IKZF2: variants seen among roughly 807,000 people sequenced by gnomAD.
The protein encoded by IKZF2 is zinc finger protein Helios.
In IKZF2, 15 loss-of-function variants were observed where a neutral mutation model predicts 49.2. The observed-to-expected ratio is 0.30, with a 90% CI of 0.20 to 0.47. The LOEUF is 0.47. Ranked by LOEUF, IKZF2 falls within the 20% of genes least tolerant of loss-of-function variation. The pLI, the probability that IKZF2 is intolerant of heterozygous loss-of-function variation, is 1.00. For missense variants in IKZF2, 567 were observed against 664.6 expected, an observed-to-expected ratio of 0.85 and a Z score of 1.61; for synonymous variants, 227 against 221.4, an observed-to-expected ratio of 1.03 and a Z score of -0.23.
intron 4 of IKZF2, among the ~76,000 whole-genome samples, chr2:213,124,770 A>G (rs1052378978): frequency 6.6e-6 from 1 of 152,226 alleles, no homozygotes; most frequent in Non-Finnish European, 1.5e-5. Context: ...TGTGTTTCCA[A>G]GGAATTCAAC....
At chr2:213,067,042 G>A (rs755288387) in intron 4 of IKZF2, among the ~76,000 whole-genome samples, 3 of 152,054 alleles carry the variant, frequency 2.0e-5, no homozygotes, top group African/African-American at 7.2e-5. Context: ...AAGGGCTCTA[G>A]GTCCAGCACC....
intron 6 of IKZF2, among the ~76,000 whole-genome samples, chr2:213,022,515 T>C (rs191765918): frequency 6.6e-6 from 1 of 152,294 alleles, no homozygotes; most frequent in African/African-American, 2.4e-5. Context: ...TTGTTTGTTT[T>C]CTTTTCGGGT....
intron 4 of IKZF2, among the ~76,000 whole-genome samples, chr2:213,104,258 G>C (rs1166779070): frequency 6.9e-6 from 1 of 143,962 alleles, no homozygotes; most frequent in Non-Finnish European, 1.5e-5. Flanking sequence ...TGCTTCTAAC[G>C]GACAAAAAAA....
At chr2:213,106,063 C>A (rs1275979780) in intron 4 of IKZF2, among the ~76,000 whole-genome samples, 2 of 152,016 alleles carry the variant, frequency 1.3e-5, no homozygotes, top group East Asian at 1.9e-4. Context: ...TAAGTGATTC[C>A]ATTTTTCACT....
chr2:213,129,493 G>A (rs1026712449), intron 4 of IKZF2, among the ~76,000 whole-genome samples: 1 of 151,696 alleles, frequency 6.6e-6, no homozygotes, highest in Non-Finnish European at 1.5e-5. Flanking sequence ...AAAGAAAAAG[G>A]GAAGAGGTAT....
intron 5 of IKZF2, 177 bp downstream of exon 5, chr2:213,056,656 G>A: frequency 2.6e-6 from 2 of 759,816 alleles, no homozygotes; most frequent in Non-Finnish European, 2.3e-6. Context: ...AGATTTGAAG[G>A]CTGGAAGTCA....
At chr2:213,129,982 G>GA (rs1294419476) in intron 4 of IKZF2, among the ~76,000 whole-genome samples, 6 of 152,184 alleles carry the variant, frequency 3.9e-5, no homozygotes, top group Admixed American at 3.9e-4. Flanking sequence ...AAAGAGAGAA[G>GA]AGGACCTGTA....
intron 4 of IKZF2, among the ~76,000 whole-genome samples, chr2:213,092,397 T>C (rs773795616): frequency 2.0e-5 from 3 of 152,166 alleles, no homozygotes; most frequent in Non-Finnish European, 2.9e-5. Context: ...GTTATGGTCA[T>C]ATTTAAATTT....
chr2:213,074,613 C>T (rs1271793309), intron 4 of IKZF2, among the ~76,000 whole-genome samples: 1 of 152,126 alleles, frequency 6.6e-6, no homozygotes, highest in Non-Finnish European at 1.5e-5. Flanking sequence ...ACTCTTAAAT[C>T]CAATCAATGG....
rs1263144575 is a variant in IKZF2, at chr2:213,004,801, G to A, written c.*2559C>T. On this transcript the variant is annotated 3_prime_UTR_variant, in exon 9 of 9. Coordinates refer to ENST00000434687, the MANE Select transcript of IKZF2 (RefSeq NM_001387220.1). ...ATATCCACCTCTTTCTGTTCCTCAT[G>A]AAGCTAGGAAGATACAAGTATATGC... 1.3e-5 allele frequency: 2 copies of A among 152,274 alleles called. No individual in the cohort carries two copies. Among genetic ancestry groups the A allele is most frequent in the Admixed American group, 1.3e-4 (2 of 15,198 alleles). 9.4% of individuals were successfully genotyped at this position (152,274 alleles called of 1,614,324 possible).
At chr2:213,047,072 C>A (rs1337182981) in intron 6 of IKZF2, among the ~76,000 whole-genome samples, 1 of 152,144 alleles carries the variant, frequency 6.6e-6, no homozygotes, top group African/African-American at 2.4e-5. Context: ...CTCTTTCCAA[C>A]ATGGAAGAGG....
At chr2:213,106,243 G>T (rs1488368876) in intron 4 of IKZF2, among the ~76,000 whole-genome samples, 4 of 151,716 alleles carry the variant, frequency 2.6e-5, no homozygotes, top group Non-Finnish European at 1.5e-5. Context: ...CTCTTTTGTG[G>T]TTGAAAAGAA....
chr2:213,128,806 T>C (rs1273607130), intron 4 of IKZF2, among the ~76,000 whole-genome samples: 2 of 143,008 alleles, frequency 1.4e-5, no homozygotes, highest in African/African-American at 2.6e-5. Flanking sequence ...TTTTTTTTCT[T>C]TTTTTTTTTT....
intron 7 of IKZF2, 160 bp downstream of exon 7, chr2:213,021,833 G>A (rs909537143): frequency 7.9e-6 from 6 of 760,564 alleles, no homozygotes; most frequent in South Asian, 3.8e-5. Context: ...TGGGAGTATT[G>A]CAAAATTTCA....
At chr2:213,114,009 T>C (rs1378174430) in intron 4 of IKZF2, among the ~76,000 whole-genome samples, 1 of 152,074 alleles carries the variant, frequency 6.6e-6, no homozygotes, top group Non-Finnish European at 1.5e-5. Flanking sequence ...TTACGTCTAA[T>C]ACATCTCTTG....
intron 4 of IKZF2, among the ~76,000 whole-genome samples, chr2:213,060,632 T>C (rs72948225): frequency 0.011 from 1,607 of 151,564 alleles, 15 homozygotes; most frequent in Non-Finnish European, 0.017. Context: ...CTTGGGCATA[T>C]CTGTGGAAAT....
chr2:213,075,525 T>A (rs929406442), intron 4 of IKZF2, among the ~76,000 whole-genome samples: 1 of 152,142 alleles, frequency 6.6e-6, no homozygotes, highest in African/African-American at 2.4e-5. Context: ...GTTTATTTTT[T>A]AAAGTGACAG....
intron 4 of IKZF2, among the ~76,000 whole-genome samples, chr2:213,117,123 C>G (rs905556969): frequency 1.3e-5 from 2 of 152,050 alleles, no homozygotes; most frequent in African/African-American, 4.8e-5. Context: ...CTGTGCTGAA[C>G]AGCGAAAGAA....
rs563775236 is a variant in IKZF2 at position 213,003,991 on chromosome 2, G to C, written c.*3369C>G. Reference sequence around the variant, plus strand: ...AGTTTTAGTTTAAGAGTTGCCACTGGTCCTAAAGACACACTAGTAACTTCT... The same window carrying C: ...AGTTTTAGTTTAAGAGTTGCCACTGCTCCTAAAGACACACTAGTAACTTCT... On this transcript the variant is annotated 3_prime_UTR_variant, in exon 9 of 9. Coordinates refer to ENST00000434687, the MANE Select transcript of IKZF2 (RefSeq NM_001387220.1). The C allele has an allele frequency of 2.0e-5, 3 of 151,848 alleles. No individual in the cohort carries two copies. The highest frequency in any genetic ancestry group is 3.9e-4 in the East Asian group (2 of 5,154). 9.4% of individuals were successfully genotyped at this position (151,848 alleles called of 1,614,324 possible). A position where few individuals can be genotyped will look rare whatever the true frequency, so the allele number is the denominator to read the frequency against.
Sources: allele counts gnomAD v4.1 joint callset (sites outside exome capture counted in the v4.1 genomes callset), GRCh38; gene constraint gnomAD v4.1.1; transcripts MANE v1.5; gene names NCBI Gene and HGNC (gene_info 2026-07-23, HGNC 2026-07-21).